Variants in DMTF1 observed in about 807,000 individuals in gnomAD.
The protein encoded by DMTF1 is cyclin D binding myb like transcription factor 1, also known as cyclin-D-binding Myb-like transcription factor 1.
DMTF1 carries 39 observed loss-of-function variants against 91.1 expected under a neutral mutation model. The observed-to-expected ratio is 0.43, with a 90% CI of 0.33 to 0.56. DMTF1 has a LOEUF of 0.56. Among genes scored for constraint, DMTF1 ranks in the 20% least tolerant of loss-of-function variants. The pLI is 0.05. For missense variants in DMTF1, 750 were observed against 914.5 expected (o/e 0.82, Z 2.32); for synonymous variants, 338 against 309.5 (o/e 1.09, Z -0.97).
At chr7:87,165,972 G>A (rs537156939) in intron 3 of DMTF1, among the ~76,000 whole-genome samples, 45 of 152,120 alleles carry the variant, frequency 3.0e-4, no homozygotes, top group Non-Finnish European at 5.1e-4. Context: ...CCTATCATTC[G>A]TCTTTCAAGC....
chr7:87,169,209 A>G (rs1794534232), intron 4 of DMTF1, among the ~76,000 whole-genome samples: 2 of 152,232 alleles, frequency 1.3e-5, no homozygotes, highest in South Asian at 4.1e-4. Flanking sequence ...CTATAATCCC[A>G]GCACTTTGCG....
At chr7:87,159,457 C>T (rs1424342785) in intron 1 of DMTF1, among the ~76,000 whole-genome samples, 7 of 152,132 alleles carry the variant, frequency 4.6e-5, no homozygotes, top group African/African-American at 1.7e-4. Flanking sequence ...GCAGATCGTC[C>T]ATGGTTTTCC....
chr7:87,192,884 T>G, intron 14 of DMTF1: 1 of 222,064 alleles, frequency 4.5e-6, no homozygotes, highest in African/African-American at 2.3e-5. Context: ...AGTTTTTACG[T>G]GCTACAAAGA....
intron 3 of DMTF1, 99 bp downstream of exon 3, chr7:87,165,149 G>A (rs1793524314): frequency 1.5e-6 from 1 of 653,898 alleles, no homozygotes; most frequent in Non-Finnish European, 2.6e-6. Context: ...AGGTGCCTAT[G>A]AGTTTAGGCT....
chr7:87,195,734 A>G lies in DMTF1; in HGVS notation c.*594A>G, dbSNP rs1344135042. The G allele has an allele frequency of 6.6e-6, 1 of 152,540 alleles. No homozygotes were observed. Among genetic ancestry groups the G allele is most frequent in the Non-Finnish European group, 1.5e-5 (1 of 68,010 alleles). The allele number at this position is 152,540 out of a possible 1,614,324, so 9.4% of individuals were successfully genotyped here. ...AAACAGGAAAGCATTAAAAGTTAAA[A>G]TTCACTACAGGTTTTTTGTTACTTT... On this transcript the variant is annotated 3_prime_UTR_variant, in exon 18 of 18. Transcript: ENST00000331242.
intron 1 of DMTF1, 125 bp from the exon 2 acceptor site, chr7:87,163,370 G>T (rs368915530): frequency 2.0e-5 from 3 of 152,168 alleles, no homozygotes; most frequent in African/African-American, 7.2e-5. Context: ...AAGAATTCTG[G>T]TTTTGTCTTA....
chr7:87,192,265 T>C (rs1800016371), intron 14 of DMTF1, among the ~76,000 whole-genome samples: 1 of 152,106 alleles, frequency 6.6e-6, no homozygotes, highest in Non-Finnish European at 1.5e-5. Flanking sequence ...AAAACACATA[T>C]AATATATACA....
At chr7:87,194,138 T>A in intron 16 of DMTF1, 36 bp downstream of exon 16, 1 of 1,519,048 alleles carries the variant, frequency 6.6e-7, no homozygotes, top group Non-Finnish European at 8.8e-7. Context: ...AATGGATTCT[T>A]GCCTTGAGCC....
chr7:87,193,717 T>C lies in DMTF1; in HGVS notation c.1651-8T>C. The C allele has an allele frequency of 6.3e-7, 1 of 1,577,594 alleles. No individual in the cohort carries two copies. The highest frequency in any genetic ancestry group is 8.6e-7 in the Non-Finnish European group (1 of 1,162,922). ...TACAACTTTAACAGGTTCTTTAATGTTTTATAGCCAGAACATTTGTTGAAC... is the reference window on the plus strand; with the variant it reads ...TACAACTTTAACAGGTTCTTTAATGCTTTATAGCCAGAACATTTGTTGAAC... On this transcript the variant is annotated splice_region_variant and splice_polypyrimidine_tract_variant and intron_variant, in intron 15 of 17. Coordinates refer to ENST00000331242, the MANE Select transcript of DMTF1 (RefSeq NM_001142327.2).
Position 87,193,491 on chromosome 7 carries a change from T to C in DMTF1, c.1650+138T>C, listed in dbSNP as rs190115851. The stretch of plus-strand genomic sequence containing the variant: ...CAGGCACAGTGTTATACACCATCAC[T>C]CTGCCTTCACTGGAGTGTATGTTTC... On this transcript the variant is annotated intron_variant, in intron 15 of 17. Coordinates refer to ENST00000331242, the MANE Select transcript of DMTF1 (RefSeq NM_001142327.2). 6.2e-5 allele frequency: 57 copies of C among 919,332 alleles called. No homozygotes were observed. The East Asian group carries it at 1.1e-3, about 17-fold the overall frequency. The allele number at this position is 919,332 out of a possible 1,614,324, so 56.9% of individuals were successfully genotyped here. A position where few individuals can be genotyped will look rare whatever the true frequency, so the allele number is the denominator to read the frequency against.
At chr7:87,181,944 G>A (rs1358163130) in intron 9 of DMTF1, 9 of 1,215,838 alleles carry the variant, frequency 7.4e-6, no homozygotes, top group Non-Finnish European at 2.2e-6. Flanking sequence ...CTGGGAGATT[G>A]TGTCAGTAAC....
chr7:87,176,919 GA>G (rs1292609417), intron 7 of DMTF1, among the ~76,000 whole-genome samples: 1 of 152,104 alleles, frequency 6.6e-6, no homozygotes, highest in Non-Finnish European at 1.5e-5. Flanking sequence ...CTATAAGCAA[GA>G]AAAAGGGCAA....
At chr7:87,185,455 T>G (rs931493805) in intron 11 of DMTF1, among the ~76,000 whole-genome samples, 1 of 152,230 alleles carries the variant, frequency 6.6e-6, no homozygotes, top group Non-Finnish European at 1.5e-5. Flanking sequence ...ATGGAAACGC[T>G]CAGATCCAGG....
intron 11 of DMTF1, chr7:87,185,148 T>A (rs886146616): frequency 4.6e-6 from 1 of 219,548 alleles, no homozygotes; most frequent in African/African-American, 2.3e-5. Context: ...CCAGCTTATT[T>A]TTTTAAGTAG....
intron 14 of DMTF1, 133 bp downstream of exon 14, chr7:87,191,160 A>G: frequency 1.9e-6 from 1 of 539,800 alleles, no homozygotes; most frequent in Non-Finnish European, 3.3e-6. Context: ...TCAGACTTCT[A>G]CTTTTATAAT....
intron 1 of DMTF1, chr7:87,152,950 G>C (rs1789567037): frequency 6.5e-6 from 1 of 154,646 alleles, no homozygotes; most frequent in African/African-American, 2.4e-5. Context: ...AGACAGTAAG[G>C]AAGCCCTACT....
chr7:87,161,925 C>T (rs552861350), intron 1 of DMTF1, among the ~76,000 whole-genome samples: 7 of 152,114 alleles, frequency 4.6e-5, no homozygotes, highest in Admixed American at 1.3e-4. Flanking sequence ...TTGAAAAGTT[C>T]GAAATTTTGT....
intron 9 of DMTF1, 64 bp from the exon 10 acceptor site, chr7:87,182,164 A>G (rs763742570): frequency 3.2e-5 from 52 of 1,610,094 alleles, no homozygotes; most frequent in Non-Finnish European, 4.2e-5. Context: ...ATGAAGAATA[A>G]ATGATGAAAT....
At position 87,184,817 on chromosome 7, in the gene DMTF1, T is replaced by C. The variant is rs1033235094; in HGVS notation, c.1049+192T>C. 12 of 674,548 alleles carry C rather than the reference T, an allele frequency of 1.8e-5. 1 individual carries two copies. Among genetic ancestry groups the C allele is most frequent in the Middle Eastern group, 4.8e-4 (2 of 4,180 alleles). The allele number at this position is 674,548 out of a possible 1,614,324, so 41.8% of individuals were successfully genotyped here. A position where few individuals can be genotyped will look rare whatever the true frequency, so the allele number is the denominator to read the frequency against. ...TGTTGTGTTTGTTCCTTTTTTTTTT[T>C]AGTGGGTTTAGTGCTCATGCAAAGT... On this transcript the variant is annotated intron_variant, in intron 11 of 17. Coordinates refer to ENST00000331242, the MANE Select transcript of DMTF1 (RefSeq NM_001142327.2).
Sources: gnomAD v4.1 joint callset for allele counts (sites outside exome capture counted in the v4.1 genomes callset) on GRCh38, gnomAD v4.1.1 for gene constraint, MANE v1.5 for transcripts, NCBI Gene and HGNC (gene_info 2026-07-23, HGNC 2026-07-21) for gene names.